The following GRID2 variants were observed in gnomAD, a reference collection of about 807,000 sequenced individuals.
GRID2 encodes glutamate ionotropic receptor delta type subunit 2.
A neutral mutation model predicts 114.8 loss-of-function variants in GRID2; 33 were observed. That is an observed-to-expected ratio of 0.29 (90% CI 0.22 to 0.38). The LOEUF (loss-of-function observed/expected upper bound fraction) is 0.38. Among genes scored for constraint, GRID2 ranks in the 10% least tolerant of loss-of-function variants. GRID2 has a pLI of 1.00. For synonymous variants in GRID2, 505 were observed against 449.9 expected (o/e 1.12, Z -1.55); for missense variants, 1,184 against 1,257.7 (o/e 0.94, Z 0.89).
intron 8 of GRID2, among the ~76,000 whole-genome samples, chr4:93,358,577 G>C (rs1427013580): frequency 6.6e-6 from 1 of 151,838 alleles, no homozygotes; most frequent in Non-Finnish European, 1.5e-5. Flanking sequence ...TGACCATAAT[G>C]CAATAACTCT....
rs1037443147 is a variant in GRID2, at chr4:93,064,116, A to G, written c.245-20879A>G. ...TATAACAGTAAAACTTATAACATTA[A>G]TTTATTAAAATATAATATATATAAT... is the stretch of plus-strand genomic sequence containing the variant. On this transcript the variant is annotated intron_variant, in intron 2 of 15. Transcript: ENST00000282020. 5.8e-5 allele frequency among the ~76,000 whole-genome samples: 7 copies of G among 119,838 alleles called. No individual in the cohort carries two copies. In the South Asian group the frequency reaches 1.5e-3, roughly 26 times the overall value. 78.6% of individuals were successfully genotyped at this position (119,838 alleles called of 152,430 possible). A position where few individuals can be genotyped will look rare whatever the true frequency, so the allele number is the denominator to read the frequency against.
chr4:93,294,290 T>C (rs1403586773), intron 8 of GRID2, among the ~76,000 whole-genome samples: 2 of 151,394 alleles, frequency 1.3e-5, no homozygotes, highest in Non-Finnish European at 2.9e-5. Context: ...GTGGAGGTGA[T>C]CCATATCAGG....
chr4:92,351,102 T>A (rs562893396), intron 1 of GRID2, among the ~76,000 whole-genome samples: 10 of 151,934 alleles, frequency 6.6e-5, no homozygotes, highest in Non-Finnish European at 1.5e-4. Flanking sequence ...TTGTTTCCAC[T>A]TTTTGGCTAT....
intron 1 of GRID2, among the ~76,000 whole-genome samples, chr4:92,442,374 T>A (rs529200546): frequency 3.4e-4 from 51 of 151,984 alleles, no homozygotes; most frequent in African/African-American, 1.2e-3. Context: ...TAGGAGGAAT[T>A]CCGGGCTGCG....
At chr4:93,189,401 T>C (rs1211792910) in intron 4 of GRID2, among the ~76,000 whole-genome samples, 3 of 152,048 alleles carry the variant, frequency 2.0e-5, no homozygotes, top group Non-Finnish European at 2.9e-5. Context: ...CTCACATTTG[T>C]TTATAAGTTC....
Position 93,772,403 on chromosome 4 carries a change from A to T in GRID2, c.2929A>T (p.Ser977Cys), listed in dbSNP as rs1734180930. The T allele has an allele frequency of 6.2e-7, 1 of 1,613,850 alleles. No homozygotes were observed. Among genetic ancestry groups the T allele is most frequent in the Non-Finnish European group, 8.5e-7 (1 of 1,179,816 alleles). Residue 977 changes from serine to cysteine, a missense_variant, in exon 16 of 16, where the codon AGT becomes TGT. Transcript: ENST00000282020. Reference sequence around the variant, plus strand: ...GGCACCTAATGGGGGCTTTTTCAGGAGTCCTATAAAAACAATGTCATCTAT... The same window carrying T: ...GGCACCTAATGGGGGCTTTTTCAGGTGTCCTATAAAAACAATGTCATCTAT... ...HRAPNGGFFRSPIKTMSSIPY... is the reference protein window; with the variant it reads ...HRAPNGGFFRCPIKTMSSIPY...
chr4:93,016,182 A>G (rs929432997), intron 2 of GRID2, among the ~76,000 whole-genome samples: 30 of 152,100 alleles, frequency 2.0e-4, no homozygotes, highest in African/African-American at 5.3e-4. Context: ...AGGTAATAAT[A>G]CTAAAGAAAG....
chr4:92,905,993 G>T (rs1397589102), intron 2 of GRID2, among the ~76,000 whole-genome samples: 1 of 152,084 alleles, frequency 6.6e-6, no homozygotes, highest in Non-Finnish European at 1.5e-5. Flanking sequence ...AATCACAAAT[G>T]GGTGTAGGGG....
intron 2 of GRID2, chr4:92,884,817 A>T (rs938322279): frequency 3.0e-6 from 1 of 331,894 alleles, no homozygotes; most frequent in African/African-American, 2.2e-5. Context: ...ATGTTGAATC[A>T]GAATGTAATG....
chr4:92,613,032 GC>G (rs1234882124), intron 2 of GRID2, among the ~76,000 whole-genome samples: 1 of 151,264 alleles, frequency 6.6e-6, no homozygotes, highest in Non-Finnish European at 1.5e-5. Flanking sequence ...TAGCCATTGA[GC>G]TTTAAATATG....
chr4:92,309,112 T>A (rs181655129), intron 1 of GRID2, among the ~76,000 whole-genome samples: 54 of 152,134 alleles, frequency 3.5e-4, no homozygotes, highest in Non-Finnish European at 4.9e-4. Context: ...TTATAAATTT[T>A]AAGCCAAATA....
At chr4:93,782,650 A>ACT (rs1399582405) in intron 1 of GRID2, among the ~76,000 whole-genome samples, 1 of 152,040 alleles carries the variant, frequency 6.6e-6, no homozygotes, top group East Asian at 1.9e-4. Flanking sequence ...TTGTCTACTG[A>ACT]CTCTAACCAA....
chr4:92,757,812 A>G (rs1341755582), intron 2 of GRID2, among the ~76,000 whole-genome samples: 1 of 151,920 alleles, frequency 6.6e-6, no homozygotes, highest in Non-Finnish European at 1.5e-5. Flanking sequence ...GGAGCCGTCT[A>G]CATAATACTG....
intron 1 of GRID2, among the ~76,000 whole-genome samples, chr4:92,385,687 A>G (rs1042498703): frequency 7.3e-5 from 11 of 151,518 alleles, no homozygotes; most frequent in East Asian, 3.9e-4. Context: ...TTAGGTTTCT[A>G]TACATTTGTT....
chr4:92,312,129 A>G (rs1184300559), intron 1 of GRID2, among the ~76,000 whole-genome samples: 1 of 152,030 alleles, frequency 6.6e-6, no homozygotes, highest in Non-Finnish European at 1.5e-5. Context: ...AAATCTGCTT[A>G]GTTTACTTAA....
At chr4:92,416,763 G>C (rs1344698249) in intron 1 of GRID2, among the ~76,000 whole-genome samples, 1 of 151,864 alleles carries the variant, frequency 6.6e-6, no homozygotes, top group African/African-American at 2.4e-5. Context: ...ATTGGTCTAG[G>C]TGCCTATTTT....
At chr4:93,530,403 C>G (rs1731325810) in intron 13 of GRID2, among the ~76,000 whole-genome samples, 1 of 152,116 alleles carries the variant, frequency 6.6e-6, no homozygotes, top group African/African-American at 2.4e-5. Context: ...GGTATCTTCC[C>G]TTTCACATGC....
chr4:92,640,474 A>G (rs1411144067), intron 2 of GRID2, among the ~76,000 whole-genome samples: 2 of 151,944 alleles, frequency 1.3e-5, no homozygotes, highest in Non-Finnish European at 2.9e-5. Flanking sequence ...CATAGGTCAA[A>G]CAGAAATGTA....
At chr4:93,063,749 G>A (rs1028912764) in intron 2 of GRID2, among the ~76,000 whole-genome samples, 14 of 151,764 alleles carry the variant, frequency 9.2e-5, no homozygotes, top group Admixed American at 6.6e-4. Context: ...ATGTTTCTAA[G>A]TAGACCTGTA....
Sources: allele counts gnomAD v4.1 joint callset (sites outside exome capture counted in the v4.1 genomes callset), GRCh38; gene constraint gnomAD v4.1.1; transcripts MANE v1.5; gene names NCBI Gene and HGNC (gene_info 2026-07-23, HGNC 2026-07-21).